The following KIAA1217 variants were observed in gnomAD, a reference collection of about 807,000 sequenced individuals.
The protein encoded by KIAA1217 is sickle tail protein homolog.
KIAA1217 carries 88 observed loss-of-function variants against 163.9 expected under a neutral mutation model. The ratio of observed to expected loss-of-function variants is 0.54; its 90% CI spans 0.45 to 0.64. The LOEUF is 0.64. Among genes scored for constraint, KIAA1217 ranks in the 30% least tolerant of loss-of-function variants. KIAA1217 has a pLI of 0.00. For synonymous variants in KIAA1217, 903 were observed against 923.1 expected, an observed-to-expected ratio of 0.98 and a Z score of 0.39; for missense variants, 2,372 against 2,475.0, an observed-to-expected ratio of 0.96 and a Z score of 0.88.
At chr10:24,106,098 G>A (rs761551758) in intron 2 of KIAA1217, among the ~76,000 whole-genome samples, 2 of 152,194 alleles carry the variant, frequency 1.3e-5, no homozygotes, top group Non-Finnish European at 2.9e-5. Flanking sequence ...CCACATATCA[G>A]ATGGTGGCAG....
chr10:24,195,858 G>A (rs2066960495), intron 2 of KIAA1217, among the ~76,000 whole-genome samples: 1 of 152,238 alleles, frequency 6.6e-6, no homozygotes, highest in Non-Finnish European at 1.5e-5. Context: ...GCTGGGCGCA[G>A]TGGCTCACGC....
Position 24,176,603 on chromosome 10 carries a change from C to A in KIAA1217, c.-170-43023C>A, listed in dbSNP as rs535612025. ...GAGTGCTGATTGGTGCATTTACAAT[C>A]CTCCAGCTAGACATAAAAGTTCTCC... On this transcript the variant is annotated intron_variant, in intron 2 of 18. Coordinates refer to the KIAA1217 transcript ENST00000376462. Among the ~76,000 whole-genome samples the A allele has an allele frequency of 7.2e-5, 11 of 152,364 alleles. No homozygotes were observed. The South Asian group carries it at 2.3e-3, about 32-fold the overall frequency.
chr10:24,035,391 G>T (rs546942838), intron 2 of KIAA1217, among the ~76,000 whole-genome samples: 1 of 152,246 alleles, frequency 6.6e-6, no homozygotes, highest in African/African-American at 2.4e-5. Context: ...TTGTCTTGGG[G>T]TACCTGATGC....
At chr10:23,806,221 G>A (rs1004896636) in intron 1 of KIAA1217, among the ~76,000 whole-genome samples, 1 of 152,050 alleles carries the variant, frequency 6.6e-6, no homozygotes, top group Non-Finnish European at 1.5e-5. Context: ...TGGTTGAGGA[G>A]AATGTTCCGC....
intron 1 of KIAA1217, among the ~76,000 whole-genome samples, chr10:23,777,496 A>G (rs1239537296): frequency 6.6e-6 from 1 of 152,222 alleles, no homozygotes; most frequent in African/African-American, 2.4e-5. Context: ...ATTTTACAAG[A>G]CAGTGTAAGA....
intron 1 of KIAA1217, among the ~76,000 whole-genome samples, chr10:23,907,213 C>T (rs1194663799): frequency 1.3e-5 from 2 of 151,904 alleles, no homozygotes; most frequent in East Asian, 3.9e-4. Flanking sequence ...TTGTCTTTAC[C>T]TCTTTCCTTC....
chr10:23,918,188 GC>G (rs1414551790), intron 1 of KIAA1217, among the ~76,000 whole-genome samples: 1 of 138,224 alleles, frequency 7.2e-6, no homozygotes, highest in Non-Finnish European at 1.5e-5. Flanking sequence ...ATAGGGTCTT[GC>G]TTCATTCCCC....
intron 2 of KIAA1217, among the ~76,000 whole-genome samples, chr10:24,149,999 T>C (rs80196027): frequency 0.028 from 4,222 of 152,198 alleles, 83 homozygotes; most frequent in Non-Finnish European, 0.047. Flanking sequence ...AACTAAGAGA[T>C]ATTCTGTATT....
In KIAA1217 at chr10:24,546,567, G is replaced by C; in HGVS notation, c.*243G>C. On this transcript the variant is annotated 3_prime_UTR_variant, in exon 21 of 21. Transcript: ENST00000376454. ...AATACCTATAAAATGCAGTAAGCAT[G>C]TGTTACAGAAAGAGGTTCTGGTGGG... The C allele has an allele frequency of 2.4e-6, 1 of 419,830 alleles. No homozygotes were observed. The highest frequency in any genetic ancestry group is 3.9e-5 in the East Asian group (1 of 25,666). 26.0% of individuals were successfully genotyped at this position (419,830 alleles called of 1,614,324 possible). A position where few individuals can be genotyped will look rare whatever the true frequency, so the allele number is the denominator to read the frequency against.
intron 1 of KIAA1217, among the ~76,000 whole-genome samples, chr10:23,906,041 G>A (rs1227664259): frequency 6.6e-6 from 1 of 152,040 alleles, no homozygotes; most frequent in African/African-American, 2.4e-5. Flanking sequence ...CTTGTTGCTG[G>A]TTCCTCACAT....
chr10:23,752,468 T>C (rs1839790778), intron 1 of KIAA1217, among the ~76,000 whole-genome samples: 1 of 152,216 alleles, frequency 6.6e-6, no homozygotes, highest in Non-Finnish European at 1.5e-5. Flanking sequence ...CAAATGTTAA[T>C]TGGATACTGA....
chr10:24,334,110 G>T (rs1237898256), intron 2 of KIAA1217, among the ~76,000 whole-genome samples: 1 of 152,118 alleles, frequency 6.6e-6, no homozygotes, highest in East Asian at 1.9e-4. Context: ...GTGGCTGGAG[G>T]ATACATACAT....
intron 1 of KIAA1217, among the ~76,000 whole-genome samples, chr10:23,853,129 A>G (rs1230612105): frequency 1.3e-5 from 2 of 152,184 alleles, no homozygotes; most frequent in African/African-American, 2.4e-5. Flanking sequence ...TTGCTCATTC[A>G]GTATGATATT....
At chr10:24,229,505 AT>A (rs1360894866) in intron 2 of KIAA1217, among the ~76,000 whole-genome samples, 2 of 151,924 alleles carry the variant, frequency 1.3e-5, no homozygotes, top group African/African-American at 2.4e-5. Context: ...TTTCTTTTTT[AT>A]TTTTATTTTG....
At chr10:24,294,962 A>G (rs2040413398) in intron 2 of KIAA1217, among the ~76,000 whole-genome samples, 1 of 152,202 alleles carries the variant, frequency 6.6e-6, no homozygotes, top group Non-Finnish European at 1.5e-5. Context: ...GTAAACTACT[A>G]TTCTGGAGGC....
intron 1 of KIAA1217, among the ~76,000 whole-genome samples, chr10:23,854,022 G>C (rs9971338): frequency 1.7e-4 from 26 of 152,086 alleles, no homozygotes; most frequent in African/African-American, 5.1e-4. Flanking sequence ...CTTCAGTTCT[G>C]CTCTGATTTT....
Position 24,238,108 on chromosome 10 carries a change from T to C in KIAA1217, c.354+18199T>C, listed in dbSNP as rs77766921. ...GCACTGAATATGTTGCAGTTTGCAATGGGATCCGTGGCAAGTTAACAGCAG... is the reference window on the plus strand; with the variant it reads ...GCACTGAATATGTTGCAGTTTGCAACGGGATCCGTGGCAAGTTAACAGCAG... On this transcript the variant is annotated intron_variant, in intron 2 of 20. Transcript: ENST00000376454. Among the ~76,000 whole-genome samples the C allele has an allele frequency of 3.7e-3, 568 of 152,350 alleles. 5 individuals carry two copies. The East Asian group carries it at 0.055, about 15-fold the overall frequency.
At chr10:24,238,849 C>T (rs990824101) in intron 2 of KIAA1217, among the ~76,000 whole-genome samples, 5 of 152,162 alleles carry the variant, frequency 3.3e-5, no homozygotes, top group Admixed American at 1.3e-4. Context: ...GATTAACGAA[C>T]GCCTATAATT....
At chr10:24,414,365 G>A (rs2058056193) in intron 3 of KIAA1217, among the ~76,000 whole-genome samples, 1 of 152,200 alleles carries the variant, frequency 6.6e-6, no homozygotes, top group Admixed American at 6.5e-5. Flanking sequence ...TGCTGGTAAG[G>A]GAAGCAGATT....
Sources: allele counts gnomAD v4.1 joint callset (sites outside exome capture counted in the v4.1 genomes callset), GRCh38; gene constraint gnomAD v4.1.1; transcripts MANE v1.5; gene names NCBI Gene and HGNC (gene_info 2026-07-23, HGNC 2026-07-21).